The following ATP6V1C2 variants were observed in gnomAD, a reference collection of about 807,000 sequenced individuals.
ATP6V1C2 encodes ATPase H+ transporting V1 subunit C2, also known as V-type proton ATPase subunit C 2.
In ATP6V1C2, 45 loss-of-function variants were observed where a neutral mutation model predicts 56.8. That is an observed-to-expected ratio of 0.79 (90% confidence interval 0.62 to 1.02). ATP6V1C2 has a LOEUF of 1.02. ATP6V1C2 is among the 50% of genes least tolerant of loss of function. ATP6V1C2 has a pLI of 0.00. For synonymous variants in ATP6V1C2, 220 were observed against 201.3 expected (o/e 1.09, Z -0.79); for missense variants, 463 against 519.7 (o/e 0.89, Z 1.06).
chr2:10,770,911 T>C (rs556468272), intron 6 of ATP6V1C2, among the ~76,000 whole-genome samples: 2 of 152,352 alleles, frequency 1.3e-5, no homozygotes, highest in East Asian at 1.9e-4. Flanking sequence ...CTCACAGTTA[T>C]TCATTCAACA....
intron 8 of ATP6V1C2, among the ~76,000 whole-genome samples, chr2:10,772,868 C>T (rs1664717720): frequency 6.6e-6 from 1 of 152,250 alleles, no homozygotes; most frequent in South Asian, 2.1e-4. Flanking sequence ...CGAGCAGCCT[C>T]TCCACGCCGT....
intron 12 of ATP6V1C2, among the ~76,000 whole-genome samples, chr2:10,781,316 T>G (rs1325188595): frequency 2.0e-5 from 3 of 152,044 alleles, no homozygotes; most frequent in African/African-American, 4.8e-5. Flanking sequence ...TGGTAATGAC[T>G]GTGGTGGAAT....
intron 4 of ATP6V1C2, among the ~76,000 whole-genome samples, chr2:10,755,507 A>T (rs2148462551): frequency 6.6e-6 from 1 of 152,292 alleles, no homozygotes; most frequent in African/African-American, 2.4e-5. Context: ...GCTCATCAGC[A>T]CTGCTAGGTT....
chr2:10,779,266 G>A (rs972719328), intron 12 of ATP6V1C2, among the ~76,000 whole-genome samples: 3 of 151,086 alleles, frequency 2.0e-5, no homozygotes, highest in Non-Finnish European at 3.0e-5. Flanking sequence ...CACCACGCCC[G>A]GCTAATTTTT....
At chr2:10,723,787 C>G (rs1210820706) in intron 2 of ATP6V1C2, among the ~76,000 whole-genome samples, 1 of 146,090 alleles carries the variant, frequency 6.8e-6, no homozygotes, top group African/African-American at 2.5e-5. Flanking sequence ...TGCAGTGAGC[C>G]GAGATTGCGC....
chr2:10,779,957 C>A (rs1024508464), intron 12 of ATP6V1C2, among the ~76,000 whole-genome samples: 1 of 152,128 alleles, frequency 6.6e-6, no homozygotes, highest in African/African-American at 2.4e-5. Flanking sequence ...CGGAGCACTG[C>A]GCACCGCCTG....
chr2:10,732,439 T>A (rs890448299), intron 3 of ATP6V1C2, among the ~76,000 whole-genome samples: 6 of 151,928 alleles, frequency 3.9e-5, no homozygotes, highest in African/African-American at 1.4e-4. Context: ...TGTATTTTTT[T>A]AGTAGAGACG....
At chr2:10,750,943 T>C (rs551596994) in intron 3 of ATP6V1C2, among the ~76,000 whole-genome samples, 1 of 152,138 alleles carries the variant, frequency 6.6e-6, no homozygotes, top group Non-Finnish European at 1.5e-5. Flanking sequence ...TAGTGCTTGG[T>C]ACATAGTAGT....
At chr2:10,734,756 C>T (rs552966909) in intron 3 of ATP6V1C2, among the ~76,000 whole-genome samples, 7 of 152,276 alleles carry the variant, frequency 4.6e-5, no homozygotes, top group Non-Finnish European at 7.4e-5. Context: ...TCGGAGTCAT[C>T]GGTAGAACTG....
intron 12 of ATP6V1C2, among the ~76,000 whole-genome samples, chr2:10,779,390 C>G (rs573324664): frequency 6.9e-6 from 1 of 145,260 alleles, no homozygotes; most frequent in Non-Finnish European, 1.5e-5. Context: ...ATTACAGGCG[C>G]GAGCCACCAT....
rs376705013 is a variant in ATP6V1C2, at chr2:10,754,026, C to G, written c.243C>G (p.Asp81Glu). ...MAQSVVEVME[D>E]SKGKVQEHLL... ...AGAGCGTGGTGGAAGTCATGGAGGA[C>G]TCAAAGGGGAAGGTCCAGGAGCACC... Residue 81 changes from aspartate to glutamate, a missense_variant, in exon 4 of 14, where the codon GAC (aspartate) becomes GAG (glutamate). Physicochemically the swap from Asp to Glu is conservative, Grantham distance 45. Coordinates refer to ENST00000272238, the MANE Select transcript of ATP6V1C2 (RefSeq NM_001039362.2). 7.3e-5 allele frequency: 118 copies of G among 1,608,090 alleles called. 4 individuals carry two copies. In the South Asian group the frequency reaches 1.3e-3, roughly 17 times the overall value.
intron 10 of ATP6V1C2, among the ~76,000 whole-genome samples, chr2:10,776,015 G>A (rs902094820): frequency 2.6e-5 from 4 of 152,150 alleles, no homozygotes; most frequent in African/African-American, 7.2e-5. Flanking sequence ...CCCAGTGTCC[G>A]TGCTGCCAAG....
intron 3 of ATP6V1C2, among the ~76,000 whole-genome samples, chr2:10,745,041 C>CTTTTTTTTTTTTTT (rs5829274): frequency 2.6e-5 from 3 of 113,312 alleles, no homozygotes; most frequent in Non-Finnish European, 5.1e-5. Flanking sequence ...TATTTATTTT[C>CTTTTTTTTTTTTTT]TTTTTTTTTT....
intron 3 of ATP6V1C2, among the ~76,000 whole-genome samples, chr2:10,729,886 C>T (rs1326860703): frequency 2.0e-5 from 3 of 152,172 alleles, no homozygotes; most frequent in Non-Finnish European, 4.4e-5. Flanking sequence ...TCCCCAGGGG[C>T]TGGGTGGTGG....
At chr2:10,778,474 T>A (rs1286801364) in intron 11 of ATP6V1C2, 98 bp from the exon 12 acceptor site, 24 of 1,128,452 alleles carry the variant, frequency 2.1e-5, no homozygotes, top group East Asian at 1.7e-4. Context: ...GCACTTCTTC[T>A]CAGCTCAGGG....
chr2:10,762,380 G>A (rs1325184758), intron 4 of ATP6V1C2, among the ~76,000 whole-genome samples: 4 of 151,960 alleles, frequency 2.6e-5, no homozygotes, highest in African/African-American at 7.3e-5. Context: ...TCCTGACCTC[G>A]TGATCCACCT....
At chr2:10,756,571 A>C (rs991642855) in intron 4 of ATP6V1C2, among the ~76,000 whole-genome samples, 1 of 151,960 alleles carries the variant, frequency 6.6e-6, no homozygotes, top group Admixed American at 6.6e-5. Flanking sequence ...TACAAAAATT[A>C]GCTGGGTGTG....
intron 3 of ATP6V1C2, among the ~76,000 whole-genome samples, chr2:10,740,474 G>T (rs1662488218): frequency 6.6e-6 from 1 of 152,148 alleles, no homozygotes; most frequent in South Asian, 2.1e-4. Context: ...GAGCATGAAG[G>T]ACCTGCAATT....
At position 10,775,270 on chromosome 2, in the gene ATP6V1C2, G is replaced by C. The variant is rs1046944005; in HGVS notation, c.825+199G>C. Among the ~76,000 whole-genome samples the C allele has an allele frequency of 3.9e-5, 6 of 152,218 alleles. 1 individual carries two copies. Among genetic ancestry groups the C allele is most frequent in the Admixed American group, 3.3e-4 (5 of 15,286 alleles). ...GCGGTGAGCACAAAGGAGCCCAGGC[G>C]GTGGAGCTGGGGGCGGGAGCCGGGG... On this transcript the variant is annotated intron_variant, in intron 10 of 13. Transcript: ENST00000272238.
Sources: allele counts gnomAD v4.1 joint callset (sites outside exome capture counted in the v4.1 genomes callset), GRCh38; gene constraint gnomAD v4.1.1; transcripts MANE v1.5; gene names NCBI Gene and HGNC (gene_info 2026-07-23, HGNC 2026-07-21).